CD47: variants seen among roughly 807,000 people sequenced by gnomAD.
CD47 encodes the protein CD47 molecule, also known as leukocyte surface antigen CD47.
Under a neutral mutation model 44.6 loss-of-function variants are expected in CD47, and 11 were observed. The observed-to-expected ratio is 0.25, with a 90% CI of 0.16 to 0.41. The LOEUF is 0.41. CD47 is among the 10% of genes least tolerant of loss of function. CD47 has a pLI of 1.00. For missense variants in CD47, 306 were observed against 386.7 expected (o/e 0.79, Z 1.75); for synonymous variants, 140 against 136.3 (o/e 1.03, Z -0.19).
intron 2 of CD47, among the ~76,000 whole-genome samples, chr3:108,078,647 T>TAATATC (rs559978480): frequency 7.2e-5 from 11 of 151,964 alleles, no homozygotes; most frequent in Admixed American, 2.6e-4. Context: ...TTGCCCAAAT[T>TAATATC]AATATCAATA....
chr3:108,068,312 C>T (rs574352091), intron 3 of CD47, among the ~76,000 whole-genome samples: 1 of 152,266 alleles, frequency 6.6e-6, no homozygotes, highest in African/African-American at 2.4e-5. Context: ...CACATACATT[C>T]GTGTCTCCCT....
At chr3:108,078,376 C>T (rs2079350347) in intron 2 of CD47, among the ~76,000 whole-genome samples, 1 of 152,026 alleles carries the variant, frequency 6.6e-6, no homozygotes. Flanking sequence ...GCATTCCTTT[C>T]TCTTCCATCT....
chr3:108,064,637 C>T (rs2079073102), intron 3 of CD47, among the ~76,000 whole-genome samples: 1 of 152,164 alleles, frequency 6.6e-6, no homozygotes, highest in African/African-American at 2.4e-5. Flanking sequence ...ACACAGACTG[C>T]AGTCCATCCA....
At chr3:108,083,341 C>A (rs1408995130) in intron 1 of CD47, among the ~76,000 whole-genome samples, 1 of 151,932 alleles carries the variant, frequency 6.6e-6, no homozygotes, top group Non-Finnish European at 1.5e-5. Flanking sequence ...TAGAAAAGAG[C>A]TTTGTAGTGG....
chr3:108,090,633 G>C (rs2079615251), intron 1 of CD47, among the ~76,000 whole-genome samples: 1 of 152,146 alleles, frequency 6.6e-6, no homozygotes, highest in Non-Finnish European at 1.5e-5. Flanking sequence ...GATGAGCCCC[G>C]CTCTCACCCA....
At chr3:108,048,388 T>TG (rs1273082384) in intron 10 of CD47, among the ~76,000 whole-genome samples, 21 of 140,684 alleles carry the variant, frequency 1.5e-4, no homozygotes, top group Middle Eastern at 3.6e-3. Flanking sequence ...TTTTTTTTTT[T>TG]TTTTTTTTTT....
rs1426841494 is a variant in CD47, at chr3:108,084,181, G to C, written c.47-3837C>G. ...CACTTCCAATTCACTCCTTAAATCT[G>C]TTACGTGGCCTCCACCCATTCACCC... On this transcript the variant is annotated intron_variant, in intron 1 of 10. Coordinates refer to ENST00000361309, the MANE Select transcript of CD47 (RefSeq NM_001777.4). Among the ~76,000 whole-genome samples, 5 of 151,904 alleles carry C rather than the reference G, an allele frequency of 3.3e-5. No homozygotes were observed. In the East Asian group the frequency reaches 7.7e-4, roughly 24 times the overall value.
At chr3:108,071,068 A>C (rs1204031795) in intron 3 of CD47, 25 bp downstream of exon 3, 2 of 991,626 alleles carry the variant, frequency 2.0e-6, no homozygotes, top group Non-Finnish European at 3.0e-6. Flanking sequence ...CTGAAACATA[A>C]ATGAAAAGTA....
chr3:108,057,609 G>T, intron 6 of CD47, 40 bp from the exon 7 acceptor site: 1 of 988,764 alleles, frequency 1.0e-6, no homozygotes, highest in South Asian at 1.4e-5. Context: ...AAAAGCATAT[G>T]AAATAACTTA....
At chr3:108,085,919 T>C (rs996864439) in intron 1 of CD47, among the ~76,000 whole-genome samples, 2 of 152,166 alleles carry the variant, frequency 1.3e-5, no homozygotes, top group Non-Finnish European at 2.9e-5. Context: ...CATATTTTCA[T>C]GGAAAATCTC....
chr3:108,077,001 CCTT>C (rs2079322114), intron 2 of CD47, among the ~76,000 whole-genome samples: 1 of 152,114 alleles, frequency 6.6e-6, no homozygotes, highest in Admixed American at 6.5e-5. Context: ...GTCCAGTGCT[CCTT>C]CTAATGGACT....
intron 1 of CD47, among the ~76,000 whole-genome samples, chr3:108,088,496 TA>T (rs1162464996): frequency 6.6e-6 from 1 of 152,194 alleles, no homozygotes; most frequent in Non-Finnish European, 1.5e-5. Flanking sequence ...TTTACTTCCT[TA>T]AAATGGCAAC....
rs1382732317 is a variant in CD47, at chr3:108,045,536, T to C, written c.*1752A>G. 1 of 151,820 alleles carries C rather than the reference T, an allele frequency of 6.6e-6. No individual in the cohort carries two copies. The highest frequency in any genetic ancestry group is 6.6e-5 in the Admixed American group (1 of 15,106). The allele number at this position is 151,820 out of a possible 1,614,324, so 9.4% of individuals were successfully genotyped here. A position where few individuals can be genotyped will look rare whatever the true frequency, so the allele number is the denominator to read the frequency against. ...GTATATACATACGTATATATAGATA[T>C]ACGTATATATTTGTGTATACATATT... On this transcript the variant is annotated 3_prime_UTR_variant, in exon 11 of 11. Transcript: ENST00000361309.
intron 3 of CD47, among the ~76,000 whole-genome samples, chr3:108,062,333 G>A (rs901348712): frequency 2.6e-5 from 4 of 152,130 alleles, no homozygotes; most frequent in African/African-American, 9.7e-5. Context: ...GAAACTGAGT[G>A]TATAAGTCAC....
intron 9 of CD47, 31 bp from the exon 10 acceptor site, chr3:108,049,682 T>C (rs1576984779): frequency 6.4e-7 from 1 of 1,563,896 alleles, no homozygotes; most frequent in South Asian, 1.1e-5. Flanking sequence ...AGCAGGCAGT[T>C]AGTGAGGTTC....
At chr3:108,059,251 T>C (rs2078970568) in intron 5 of CD47, among the ~76,000 whole-genome samples, 1 of 152,170 alleles carries the variant, frequency 6.6e-6, no homozygotes, top group Admixed American at 6.5e-5. Context: ...CATATGAAAG[T>C]CACTTTTTAC....
At chr3:108,079,363 T>C (rs1170633508) in intron 2 of CD47, among the ~76,000 whole-genome samples, 2 of 151,898 alleles carry the variant, frequency 1.3e-5, no homozygotes, top group South Asian at 2.1e-4. Context: ...CATGGTGCTA[T>C]CATCAAGTCT....
intron 1 of CD47, 51 bp downstream of exon 1, chr3:108,090,812 G>A (rs1444795495): frequency 3.5e-6 from 5 of 1,448,782 alleles, no homozygotes; most frequent in Non-Finnish European, 4.5e-6. Context: ...CCACACGCCC[G>A]CGGGGGCGAA....
intron 3 of CD47, among the ~76,000 whole-genome samples, chr3:108,065,408 T>C (rs1298226005): frequency 6.6e-6 from 1 of 152,170 alleles, no homozygotes; most frequent in African/African-American, 2.4e-5. Flanking sequence ...ATTTGTTCAA[T>C]TCCTCCTACA....
Sources: gnomAD v4.1 joint callset for allele counts (sites outside exome capture counted in the v4.1 genomes callset) on GRCh38, gnomAD v4.1.1 for gene constraint, MANE v1.5 for transcripts, NCBI Gene and HGNC (gene_info 2026-07-23, HGNC 2026-07-21) for gene names.